Variants in RGPD8 observed in about 807,000 individuals in gnomAD.
The protein encoded by RGPD8 is RANBP2-like and GRIP domain-containing protein 8.
Under a neutral mutation model 89.1 loss-of-function variants are expected in RGPD8, and 15 were observed. That is an observed-to-expected ratio of 0.17 (90% confidence interval 0.11 to 0.26). The LOEUF is 0.26. RGPD8 is among the 10% of genes least tolerant of loss of function. The pLI is 1.00. For missense variants in RGPD8, 178 were observed against 1,179.6 expected (o/e 0.15, Z 12.44); for synonymous variants, 62 against 420.9 (o/e 0.15, Z 10.44).
chr2:112,385,071 AG>A (rs1678416615), intron 20 of RGPD8, among the ~76,000 whole-genome samples: 1 of 110,622 alleles, frequency 9.0e-6, no homozygotes, highest in Non-Finnish European at 1.8e-5. Flanking sequence ...AACATAAGCA[AG>A]TATTAGTATA....
At position 112,433,517 on chromosome 2, in the gene RGPD8, T is replaced by C; in HGVS notation, c.-64A>G. ...CGCTCAGCCCCGCAGCAGTCGCCACTTCCAAGAGGAAAGTGCCTGCAAGCC... is the reference window on the plus strand; with the variant it reads ...CGCTCAGCCCCGCAGCAGTCGCCACCTCCAAGAGGAAAGTGCCTGCAAGCC... On this transcript the variant is annotated 5_prime_UTR_variant, in exon 1 of 23. Transcript: ENST00000302558. 1.2e-5 allele frequency: 18 copies of C among 1,518,960 alleles called. No individual in the cohort carries two copies. Among genetic ancestry groups the C allele is most frequent in the Non-Finnish European group, 1.6e-5 (18 of 1,119,178 alleles). 94.1% of individuals were successfully genotyped at this position (1,518,960 alleles called of 1,614,324 possible). A position where few individuals can be genotyped will look rare whatever the true frequency, so the allele number is the denominator to read the frequency against.
chr2:112,377,712 C>G (rs1678161582), intron 22 of RGPD8, among the ~76,000 whole-genome samples: 2 of 85,418 alleles, frequency 2.3e-5, no homozygotes, highest in African/African-American at 3.7e-5. Flanking sequence ...AGAAAAGGAA[C>G]AAGCTAATAA....
At chr2:112,413,596 T>C (rs1041283963) in intron 6 of RGPD8, among the ~76,000 whole-genome samples, 2 of 133,336 alleles carry the variant, frequency 1.5e-5, no homozygotes, top group Non-Finnish European at 3.2e-5. Context: ...TCTCTGAGGG[T>C]GCTCAAAAAC....
rs574977139 is a variant in RGPD8 at position 112,391,665 on chromosome 2, A to T, written c.2603-596T>A. ...CTCCCTCTGTTTGGTCTGTTTTGCC[A>T]GGAAACAAAATGACTAGAAGGCACC... On this transcript the variant is annotated intron_variant, in intron 18 of 22. Coordinates refer to ENST00000302558, the MANE Select transcript of RGPD8 (RefSeq NM_001164463.1). Among the ~76,000 whole-genome samples, 16 of 132,718 alleles carry T rather than the reference A, an allele frequency of 1.2e-4. 2 individuals carry two copies. The highest frequency in any genetic ancestry group is 2.0e-4 in the Non-Finnish European group (12 of 61,536). The allele number at this position is 132,718 out of a possible 152,430, so 87.1% of individuals were successfully genotyped here. A position where few individuals can be genotyped will look rare whatever the true frequency, so the allele number is the denominator to read the frequency against.
chr2:112,399,664 TTATAGA>T lies in RGPD8; in HGVS notation c.2017_2022del (p.Ser673_Ile674del). ...AGATTCCAATAAGAAACAACACTTT[TTATAGA>T]TTCAAAAGCAGTCACAGCATCTTCT... On this transcript the variant is annotated inframe_deletion, in exon 14 of 23. Transcript: ENST00000302558. 1.9e-6 allele frequency: 3 copies of T among 1,582,814 alleles called. No individual in the cohort carries two copies. The highest frequency in any genetic ancestry group is 1.7e-6 in the Non-Finnish European group (2 of 1,167,886).
intron 6 of RGPD8, among the ~76,000 whole-genome samples, chr2:112,415,908 T>A (rs1239760625): frequency 6.6e-6 from 1 of 150,466 alleles, no homozygotes; most frequent in Non-Finnish European, 1.5e-5. Context: ...ATTGAGACCA[T>A]CCTGAACCCC....
intron 4 of RGPD8, among the ~76,000 whole-genome samples, chr2:112,420,180 A>AG (rs1394617544): frequency 2.0e-5 from 2 of 101,940 alleles, no homozygotes; most frequent in Non-Finnish European, 4.2e-5. Context: ...AAAAAAAAAA[A>AG]AAAAAAAAAA....
intron 1 of RGPD8, among the ~76,000 whole-genome samples, chr2:112,429,810 CCTTTTTT>C (rs1470831088): frequency 6.6e-6 from 1 of 152,156 alleles, no homozygotes; most frequent in Non-Finnish European, 1.5e-5. Context: ...ATATTTTTTT[CCTTTTTT>C]CTTTTTTGGA....
intron 1 of RGPD8, among the ~76,000 whole-genome samples, chr2:112,429,072 G>A (rs1679901260): frequency 1.3e-5 from 2 of 148,878 alleles, no homozygotes; most frequent in African/African-American, 5.0e-5. Context: ...AAGAATGAGG[G>A]GCAAACCAAA....
At chr2:112,433,129 C>A (rs1680127371) in intron 1 of RGPD8, among the ~76,000 whole-genome samples, 6 of 122,336 alleles carry the variant, frequency 4.9e-5, no homozygotes, top group Admixed American at 4.7e-4. Flanking sequence ...CCATCGAGGC[C>A]GCCGCCGGGC....
At chr2:112,370,781 T>C (rs1447079276) in intron 22 of RGPD8, among the ~76,000 whole-genome samples, 3 of 145,572 alleles carry the variant, frequency 2.1e-5, no homozygotes, top group Non-Finnish European at 4.5e-5. Context: ...CTTTAAAACA[T>C]TGATAAGCAA....
chr2:112,376,695 C>T (rs1193351988), intron 22 of RGPD8, among the ~76,000 whole-genome samples: 2 of 152,058 alleles, frequency 1.3e-5, no homozygotes, highest in Admixed American at 1.3e-4. Flanking sequence ...GTCCCAGCTA[C>T]TTGGGAGGCT....
intron 9 of RGPD8, among the ~76,000 whole-genome samples, chr2:112,402,513 G>GAAAAGAAAAGAAAAGAA: frequency 6.6e-6 from 1 of 152,228 alleles, no homozygotes; most frequent in Non-Finnish European, 1.5e-5. Context: ...GAAAAGAAAA[G>GAAAAGAAAAGAAAAGAA]AAAAGAAAAG....
chr2:112,433,561 C>T lies in RGPD8; in HGVS notation c.-108G>A, dbSNP rs1191159995. On this transcript the variant is annotated 5_prime_UTR_variant, in exon 1 of 23. Transcript: ENST00000302558. The stretch of plus-strand genomic sequence containing the variant: ...GCAAGCCACTGAAGCAGCGGCGTAG[C>T]CGGCGGAGGCCCACTGTGACGAGCG... The T allele has an allele frequency of 4.2e-6, 5 of 1,176,700 alleles. No homozygotes were observed. In the African/African-American group the frequency reaches 6.3e-5, roughly 15 times the overall value. The allele number at this position is 1,176,700 out of a possible 1,614,324, so 72.9% of individuals were successfully genotyped here. A position where few individuals can be genotyped will look rare whatever the true frequency, so the allele number is the denominator to read the frequency against.
chr2:112,413,572 G>C (rs3960625), intron 6 of RGPD8, among the ~76,000 whole-genome samples: 2 of 129,376 alleles, frequency 1.5e-5, no homozygotes, highest in Non-Finnish European at 3.2e-5. Flanking sequence ...ACCAGAGCAA[G>C]TGAGGTCTAA....
Position 112,399,702 on chromosome 2 carries a change from C to T in RGPD8, c.1985G>A (p.Gly662Glu). The T allele has an allele frequency of 6.2e-7, 1 of 1,602,918 alleles. No homozygotes were observed. Among genetic ancestry groups the T allele is most frequent in the East Asian group, 2.3e-5 (1 of 44,422 alleles). ...ITFAILDAVN[G>E]NIEDAVTAFE... ...AGCAGTCACAGCATCTTCTATATTT[C>T]CATTTACTGCATCCAATATAGCAAA... Residue 662 changes from glycine (G) to glutamate (E), a missense_variant, in exon 14 of 23, where the codon GGA (glycine) becomes GAA (glutamate). Physicochemically the swap from Gly to Glu is moderately conservative, Grantham distance 98. Transcript: ENST00000302558.
At chr2:112,431,755 GC>G (rs1441546087) in intron 1 of RGPD8, among the ~76,000 whole-genome samples, 1 of 151,512 alleles carries the variant, frequency 6.6e-6, no homozygotes. Context: ...TCCTGCCTCA[GC>G]CTCCCAGGTA....
rs374493077 is a variant in RGPD8, at chr2:112,420,356, G to A, written c.405+1604C>T. Among the ~76,000 whole-genome samples the A allele has an allele frequency of 9.1e-5, 3 of 32,856 alleles. No homozygotes were observed. The East Asian group carries it at 2.4e-3, about 26-fold the overall frequency. 21.6% of individuals were successfully genotyped at this position (32,856 alleles called of 152,430 possible). ...TGGCTGGCCGCGGTGGCTCACGCCT[G>A]TAATCCTAGCACTTTGGGAGGCTGG... On this transcript the variant is annotated intron_variant, in intron 4 of 22. Transcript: ENST00000302558.
At chr2:112,432,700 G>A (rs1345761015) in intron 1 of RGPD8, 1 of 985,206 alleles carries the variant, frequency 1.0e-6, no homozygotes, top group East Asian at 1.1e-4. Context: ...CGAGAACTAG[G>A]CCGCGCGGGT....
Sources: gnomAD v4.1 joint callset for allele counts (sites outside exome capture counted in the v4.1 genomes callset) on GRCh38, gnomAD v4.1.1 for gene constraint, MANE v1.5 for transcripts, NCBI Gene and HGNC (gene_info 2026-07-23, HGNC 2026-07-21) for gene names.